Variants in CAPN6 observed in about 807,000 individuals in gnomAD.
The protein encoded by CAPN6 is calpain 6, also known as calpain-6.
Under a neutral mutation model 46.0 loss-of-function variants are expected in CAPN6, and 16 were observed. The ratio of observed to expected loss-of-function variants is 0.35; its 90% CI spans 0.24 to 0.53. CAPN6 has a LOEUF of 0.53. Ranked by LOEUF, CAPN6 falls within the 20% of genes least tolerant of loss-of-function variation. The probability of loss-of-function intolerance (pLI) is 0.94; values close to 1 mark genes in which losing one functional copy is unlikely to be tolerated. For missense variants in CAPN6, 461 were observed against 498.0 expected (o/e 0.93, Z 0.71); for synonymous variants, 206 against 172.8 (o/e 1.19, Z -1.51).
At chrX:111,260,794 C>T (rs1363506666) in intron 2 of CAPN6, among the ~76,000 whole-genome samples, 1 of 112,638 alleles carries the variant, frequency 8.9e-6, no homozygotes, top group Non-Finnish European at 1.9e-5. Context: ...ATGGTAACCT[C>T]CCCTTCTTCA....
rs1569480726 is a variant in CAPN6 at position 111,248,915 on chromosome X, C to T, written c.1281+20G>A. 6 of 1,211,084 alleles carry T rather than the reference C, an allele frequency of 5.0e-6. No individual in the cohort carries two copies. The highest frequency in any genetic ancestry group is 3.0e-5 in the East Asian group (1 of 33,835). ...ACTCTGTTTGCCTTCATTCTCTCTGCCCCAAATGCCCATTTTTACCTTGAA... is the reference window on the plus strand; with the variant it reads ...ACTCTGTTTGCCTTCATTCTCTCTGTCCCAAATGCCCATTTTTACCTTGAA... On this transcript the variant is annotated intron_variant, in intron 9 of 12. Coordinates refer to ENST00000324068, the MANE Select transcript of CAPN6 (RefSeq NM_014289.4).
At position 111,251,625 on chromosome X, in the gene CAPN6, T is replaced by C. The variant is rs772973412; in HGVS notation, c.817A>G (p.Ser273Gly). The part of the protein sequence containing the change: ...RLGERLVEVF[S>G]AEKVYMVRLR... ...CGAACCATATACACCTTCTCAGCACTGAAGACTTCCACAAGTCTCTCTCCA... is the reference window on the plus strand; with the variant it reads ...CGAACCATATACACCTTCTCAGCACCGAAGACTTCCACAAGTCTCTCTCCA... The change falls in exon 6 of 13, where the codon AGT becomes GGT. Residue 273 changes from serine (S) to glycine (G), a missense_variant. Physicochemically the swap from Ser to Gly is moderately conservative, Grantham distance 56. Coordinates refer to ENST00000324068, the MANE Select transcript of CAPN6 (RefSeq NM_014289.4). The C allele has an allele frequency of 5.8e-5, 70 of 1,207,469 alleles. No homozygotes were observed. In the Admixed American group the frequency reaches 1.5e-3, roughly 26 times the overall value.
intron 2 of CAPN6, among the ~76,000 whole-genome samples, chrX:111,255,709 C>G (rs2094983207): frequency 9.0e-6 from 1 of 111,672 alleles, no homozygotes; most frequent in Admixed American, 9.5e-5. Context: ...TCCATATATT[C>G]TTTAAAAGCC....
chrX:111,256,044 C>T (rs2094983472), intron 2 of CAPN6, among the ~76,000 whole-genome samples: 1 of 111,543 alleles, frequency 9.0e-6, no homozygotes, highest in African/African-American at 3.3e-5. Context: ...TGAAACTAAG[C>T]ACAGTTTTTC....
chrX:111,250,061 T>G (rs948032594), intron 8 of CAPN6, among the ~76,000 whole-genome samples: 15 of 110,503 alleles, frequency 1.4e-4, no homozygotes, highest in Admixed American at 3.9e-4. Flanking sequence ...GTGGTGTGTG[T>G]GGGGGGAGAT....
At chrX:111,267,739 C>T (rs960524286) in intron 1 of CAPN6, among the ~76,000 whole-genome samples, 1 of 111,784 alleles carries the variant, frequency 8.9e-6, no homozygotes, top group South Asian at 3.8e-4. Context: ...GAGGGCATGG[C>T]TGAGGCATTG....
chrX:111,261,440 G>A (rs1241340121), intron 2 of CAPN6, among the ~76,000 whole-genome samples: 5 of 112,421 alleles, frequency 4.4e-5, no homozygotes, highest in East Asian at 2.8e-4. Context: ...ATAATGTATA[G>A]AAAACTTCAA....
chrX:111,267,146 A>G (rs967865014), intron 1 of CAPN6, among the ~76,000 whole-genome samples: 1 of 111,626 alleles, frequency 9.0e-6, no homozygotes, highest in South Asian at 3.8e-4. Context: ...ACATATTAGG[A>G]AAGTCGGGAG....
intron 8 of CAPN6, among the ~76,000 whole-genome samples, chrX:111,249,560 G>A (rs1396422415): frequency 1.8e-5 from 2 of 110,800 alleles, no homozygotes; most frequent in Admixed American, 9.7e-5. Flanking sequence ...CCACTTTAAG[G>A]AAGCTACAAG....
intron 2 of CAPN6, among the ~76,000 whole-genome samples, chrX:111,258,736 A>G (rs908973539): frequency 8.9e-6 from 1 of 112,145 alleles, no homozygotes; most frequent in Non-Finnish European, 1.9e-5. Context: ...AAACTGGGCC[A>G]CCAAATCACT....
intron 2 of CAPN6, among the ~76,000 whole-genome samples, chrX:111,262,073 C>G (rs2147537795): frequency 9.1e-6 from 1 of 110,432 alleles, no homozygotes; most frequent in Admixed American, 9.7e-5. Flanking sequence ...CAACGTATCT[C>G]TATTTTTCTC....
chrX:111,261,619 A>G (rs1026412427), intron 2 of CAPN6, among the ~76,000 whole-genome samples: 2 of 112,177 alleles, frequency 1.8e-5, no homozygotes, highest in Admixed American at 1.9e-4. Flanking sequence ...CTGCTAATCC[A>G]TCTAGGATTC....
At chrX:111,250,197 C>T (rs909123923) in intron 8 of CAPN6, among the ~76,000 whole-genome samples, 20 of 111,600 alleles carry the variant, frequency 1.8e-4, no homozygotes, top group Non-Finnish European at 2.4e-4. Flanking sequence ...AAAGAAAAGA[C>T]GCACCCATGG....
chrX:111,252,044 C>G lies in CAPN6; in HGVS notation c.699+263G>C, dbSNP rs770809711. Among the ~76,000 whole-genome samples the G allele has an allele frequency of 2.7e-5, 3 of 112,209 alleles. No homozygotes were observed. The East Asian group carries it at 8.4e-4, about 32-fold the overall frequency. On this transcript the variant is annotated intron_variant, in intron 5 of 12. Coordinates refer to ENST00000324068, the MANE Select transcript of CAPN6 (RefSeq NM_014289.4). ...CAGCCATAACCTCAAGATCTAGAAGCAGAGACAAGAGGAATAATTTAGCAG... is the reference window on the plus strand; with the variant it reads ...CAGCCATAACCTCAAGATCTAGAAGGAGAGACAAGAGGAATAATTTAGCAG...
At chrX:111,267,561 C>T (rs1179409314) in intron 1 of CAPN6, among the ~76,000 whole-genome samples, 2 of 111,168 alleles carry the variant, frequency 1.8e-5, no homozygotes, top group East Asian at 2.8e-4. Flanking sequence ...CTAGGCAAGT[C>T]GTGAAAGCAA....
chrX:111,264,715 A>AG (rs1000299662), intron 1 of CAPN6, among the ~76,000 whole-genome samples: 8 of 110,842 alleles, frequency 7.2e-5, no homozygotes, highest in African/African-American at 2.6e-4. Context: ...TTTAAAAAAA[A>AG]AAAAAGGAGG....
chrX:111,252,106 C>CATGTGGA (rs1331409325), intron 5 of CAPN6, among the ~76,000 whole-genome samples: 1 of 111,867 alleles, frequency 8.9e-6, no homozygotes, highest in African/African-American at 3.3e-5. Flanking sequence ...GCATTGGTTC[C>CATGTGGA]ATGTGGAATG....
chrX:111,252,194 C>T, intron 5 of CAPN6, 113 bp downstream of exon 5: 2 of 577,608 alleles, frequency 3.5e-6, no homozygotes, highest in Non-Finnish European at 5.4e-6. Context: ...CTTTCCAAGT[C>T]CCATTAATAG....
At chrX:111,248,125 CTT>C in intron 10 of CAPN6, 133 bp from the exon 11 acceptor site, 1 of 589,859 alleles carries the variant, frequency 1.7e-6, no homozygotes, top group Non-Finnish European at 2.7e-6. Flanking sequence ...TCAGATATGT[CTT>C]ATATATATTT....
Sources: gnomAD v4.1 joint callset for allele counts (sites outside exome capture counted in the v4.1 genomes callset) on GRCh38, gnomAD v4.1.1 for gene constraint, MANE v1.5 for transcripts, NCBI Gene and HGNC (gene_info 2026-07-23, HGNC 2026-07-21) for gene names.